The following CSMD3 variants were observed in gnomAD, a reference collection of about 807,000 sequenced individuals.
The protein encoded by CSMD3 is CUB and Sushi multiple domains 3, also known as CUB and sushi domain-containing protein 3.
Under a neutral mutation model 435.2 loss-of-function variants are expected in CSMD3, and 177 were observed. The ratio of observed to expected loss-of-function variants is 0.41; its 90% CI spans 0.36 to 0.46. The LOEUF is 0.46. Ranked by LOEUF, CSMD3 falls within the 20% of genes least tolerant of loss-of-function variation. The pLI, the probability that CSMD3 is intolerant of heterozygous loss-of-function variation, is 0.34. For synonymous variants in CSMD3, 1,656 were observed against 1,520.5 expected (o/e 1.09, Z -2.07); for missense variants, 4,265 against 4,504.6 (o/e 0.95, Z 1.52).
intron 32 of CSMD3, among the ~76,000 whole-genome samples, chr8:112,414,721 T>A (rs1325995201): frequency 6.6e-6 from 1 of 151,964 alleles, no homozygotes; most frequent in Non-Finnish European, 1.5e-5. Context: ...TAAAGATTTG[T>A]TGAATGGCTT....
At chr8:112,263,497 T>A (rs550738291) in intron 61 of CSMD3, 142 bp downstream of exon 61, 1 of 686,982 alleles carries the variant, frequency 1.5e-6, no homozygotes, top group African/African-American at 1.8e-5. Context: ...ATGACTTAAT[T>A]ACATGAAAAG....
In CSMD3 at chr8:112,732,093, T is replaced by C. The variant is rs144230973; in HGVS notation, c.1973-42043A>G. Among the ~76,000 whole-genome samples, 603 of 151,966 alleles carry C rather than the reference T, an allele frequency of 4.0e-3. 2 individuals are homozygous for C. Among genetic ancestry groups the C allele is most frequent in the African/African-American group, 0.01 (433 of 41,510 alleles). ...ATGTATGTGTGTGTGTGTGGAGTGA[T>C]GACAATAGCAGAAACAATGTAAATA... On this transcript the variant is annotated intron_variant, in intron 13 of 70. Transcript: ENST00000297405.
chr8:112,663,749 T>C (rs1434790148), intron 17 of CSMD3, among the ~76,000 whole-genome samples: 1 of 152,112 alleles, frequency 6.6e-6, no homozygotes, highest in Non-Finnish European at 1.5e-5. Flanking sequence ...GCTTATTCAA[T>C]CTTAAATGAC....
chr8:112,512,946 C>T (rs1012224386), intron 28 of CSMD3, among the ~76,000 whole-genome samples: 16 of 152,190 alleles, frequency 1.1e-4, no homozygotes, highest in Admixed American at 5.2e-4. Flanking sequence ...TTAAACCTTA[C>T]AAATCAACCT....
intron 4 of CSMD3, 129 bp downstream of exon 4, chr8:113,173,593 A>G: frequency 2.6e-6 from 2 of 771,454 alleles, no homozygotes; most frequent in Non-Finnish European, 4.5e-6. Context: ...AAGTGCTGGG[A>G]TTACAGGCGT....
At chr8:112,424,194 A>C (rs1272848311) in intron 32 of CSMD3, among the ~76,000 whole-genome samples, 1 of 152,202 alleles carries the variant, frequency 6.6e-6, no homozygotes, top group Non-Finnish European at 1.5e-5. Flanking sequence ...TTAACGATTC[A>C]AAGCCCAGAT....
At chr8:112,417,936 C>A (rs940566311) in intron 32 of CSMD3, among the ~76,000 whole-genome samples, 1 of 151,588 alleles carries the variant, frequency 6.6e-6, no homozygotes, top group South Asian at 2.1e-4. Context: ...GCTTACTACT[C>A]CTTTTGCAAA....
At chr8:112,862,380 T>A (rs565291994) in intron 10 of CSMD3, among the ~76,000 whole-genome samples, 6 of 152,028 alleles carry the variant, frequency 3.9e-5, no homozygotes, top group Non-Finnish European at 8.8e-5. Context: ...TCAGTACATA[T>A]AGGTTTTTTT....
At chr8:112,853,914 C>T (rs2080570376) in intron 11 of CSMD3, among the ~76,000 whole-genome samples, 1 of 152,176 alleles carries the variant, frequency 6.6e-6, no homozygotes, top group East Asian at 1.9e-4. Flanking sequence ...GATGCCTAAA[C>T]CTGCTAGCTC....
intron 10 of CSMD3, among the ~76,000 whole-genome samples, chr8:112,880,985 C>A (rs982548753): frequency 6.6e-6 from 1 of 151,982 alleles, no homozygotes; most frequent in Non-Finnish European, 1.5e-5. Context: ...TTATTATGTA[C>A]AACATGGTTT....
chr8:112,690,914 ATAAAGT>A (rs1325684725), intron 13 of CSMD3, among the ~76,000 whole-genome samples: 2 of 152,094 alleles, frequency 1.3e-5, no homozygotes, highest in Non-Finnish European at 2.9e-5. Flanking sequence ...TAACTTTAAG[ATAAAGT>A]TATAGTCTCT....
At chr8:112,990,215 A>G (rs2085402451) in intron 6 of CSMD3, among the ~76,000 whole-genome samples, 1 of 152,010 alleles carries the variant, frequency 6.6e-6, no homozygotes, top group Admixed American at 6.6e-5. Context: ...TGGCTACCAG[A>G]AGATAAATGG....
At chr8:113,182,970 A>G (rs2092445219) in intron 3 of CSMD3, among the ~76,000 whole-genome samples, 1 of 152,028 alleles carries the variant, frequency 6.6e-6, no homozygotes, top group Non-Finnish European at 1.5e-5. Flanking sequence ...ACAGATGGTT[A>G]CAATACATAA....
chr8:113,436,199 C>T (rs1386522825), intron 1 of CSMD3, among the ~76,000 whole-genome samples: 16 of 152,272 alleles, frequency 1.1e-4, no homozygotes, highest in Non-Finnish European at 1.5e-5. Context: ...CTTGGAAGAT[C>T]CCTGTGCCCT....
At chr8:112,591,538 A>G (rs1162491026) in intron 22 of CSMD3, among the ~76,000 whole-genome samples, 3 of 152,122 alleles carry the variant, frequency 2.0e-5, no homozygotes, top group African/African-American at 7.2e-5. Context: ...AGTAAACTTC[A>G]TAGTTACTTT....
At chr8:112,418,129 G>T (rs1293639526) in intron 32 of CSMD3, among the ~76,000 whole-genome samples, 1 of 152,038 alleles carries the variant, frequency 6.6e-6, no homozygotes, top group Non-Finnish European at 1.5e-5. Context: ...AAATAAAGAA[G>T]GATTCAAATC....
intron 10 of CSMD3, among the ~76,000 whole-genome samples, chr8:112,920,386 A>T (rs1408858040): frequency 1.3e-5 from 2 of 151,888 alleles, no homozygotes; most frequent in African/African-American, 4.8e-5. Context: ...GTGAAGAAGG[A>T]GTATAATAAT....
rs187024228 is a variant in CSMD3 at position 112,226,793 on chromosome 8, A to T, written c.10965-1863T>A. ...ATGGACAAAGGGCCAACAAGCACAT[A>T]AAAGGATGCTTAACATCACCTATAA... is the stretch of plus-strand genomic sequence containing the variant. On this transcript the variant is annotated intron_variant, in intron 70 of 70. Transcript: ENST00000297405. Among the ~76,000 whole-genome samples, 236 of 152,316 alleles carry T rather than the reference A, an allele frequency of 1.5e-3. 1 individual carries two copies. The highest frequency in any genetic ancestry group is 5.2e-3 in the African/African-American group (218 of 41,576).
intron 4 of CSMD3, among the ~76,000 whole-genome samples, chr8:113,139,717 A>T (rs985890731): frequency 6.6e-6 from 1 of 151,234 alleles, no homozygotes; most frequent in Non-Finnish European, 1.5e-5. Context: ...TCAAAATTAC[A>T]TTAAATATAA....
Sources: allele counts gnomAD v4.1 joint callset (sites outside exome capture counted in the v4.1 genomes callset), GRCh38; gene constraint gnomAD v4.1.1; transcripts MANE v1.5; gene names NCBI Gene and HGNC (gene_info 2026-07-23, HGNC 2026-07-21).